CLIP2: variants seen among roughly 807,000 people sequenced by gnomAD.
CLIP2 encodes the protein CAP-Gly domain-containing linker protein 2.
A neutral mutation model predicts 111.7 loss-of-function variants in CLIP2; 41 were observed. That is an observed-to-expected ratio of 0.37 (90% CI 0.29 to 0.48). The LOEUF is 0.48. CLIP2 is among the 20% of genes least tolerant of loss of function. CLIP2 has a pLI of 0.99. For missense variants in CLIP2, 1,160 were observed against 1,422.1 expected, an observed-to-expected ratio of 0.82 and a Z score of 2.96; for synonymous variants, 660 against 644.2, an observed-to-expected ratio of 1.02 and a Z score of -0.37.
chr7:74,391,656 C>T (rs1031069080), intron 13 of CLIP2, among the ~76,000 whole-genome samples: 3 of 151,832 alleles, frequency 2.0e-5, no homozygotes, highest in Admixed American at 6.6e-5. Context: ...CCCGTCTCTA[C>T]TAAAAATACA....
At chr7:74,300,313 G>T (rs937060570) in intron 1 of CLIP2, among the ~76,000 whole-genome samples, 22 of 151,846 alleles carry the variant, frequency 1.4e-4, no homozygotes, top group Non-Finnish European at 2.9e-5. Flanking sequence ...AGTCTCCAGC[G>T]TCTATTATTC....
Position 74,392,593 on chromosome 7 carries a change from G to A in CLIP2, c.2720+3334G>A, listed in dbSNP as rs573916136. ...TGTAATCCCAGCACTTTGGGAGGCCGAGGCAGGTAGATCACCTGAGGTCAG... is the reference window on the plus strand; with the variant it reads ...TGTAATCCCAGCACTTTGGGAGGCCAAGGCAGGTAGATCACCTGAGGTCAG... On this transcript the variant is annotated intron_variant, in intron 13 of 16. Coordinates refer to ENST00000223398, the MANE Select transcript of CLIP2 (RefSeq NM_003388.5). Among the ~76,000 whole-genome samples, 3 of 152,098 alleles carry A rather than the reference G, an allele frequency of 2.0e-5. No homozygotes were observed. The East Asian group carries it at 5.8e-4, about 29-fold the overall frequency.
chr7:74,393,219 G>A (rs889200828), intron 13 of CLIP2, among the ~76,000 whole-genome samples: 6 of 151,684 alleles, frequency 4.0e-5, no homozygotes, highest in Admixed American at 6.6e-5. Flanking sequence ...GTAGGGACAG[G>A]GTTTCACTGT....
At chr7:74,360,615 A>G (rs1252066645) in intron 7 of CLIP2, among the ~76,000 whole-genome samples, 3 of 152,100 alleles carry the variant, frequency 2.0e-5, no homozygotes, top group African/African-American at 7.2e-5. Flanking sequence ...CAGAGCCACA[A>G]TCACAGCTCA....
intron 5 of CLIP2, 87 bp downstream of exon 5, chr7:74,356,710 C>A: frequency 8.1e-7 from 1 of 1,229,604 alleles, no homozygotes; most frequent in Non-Finnish European, 1.2e-6. Flanking sequence ...TGGTCTGCCC[C>A]TGACTTACTC....
At chr7:74,319,912 G>C (rs1373628380) in intron 2 of CLIP2, among the ~76,000 whole-genome samples, 1 of 151,444 alleles carries the variant, frequency 6.6e-6, no homozygotes, top group African/African-American at 2.4e-5. Flanking sequence ...AAGGACACAG[G>C]GTTTGGGTTT....
rs1554316780 is a variant in CLIP2 at position 74,397,114 on chromosome 7, C to T, written c.2761C>T (p.Arg921Cys). ...ELRVLLLEAN[R>C]HSPGPERDLS... is the part of the protein sequence containing the mutation. ...GCGGGTGTTGCTGCTGGAGGCCAAT[C>T]GTCACTCCCCAGGGCCGGAGAGGGA... The change falls in exon 14 of 17, where the codon CGT becomes TGT. Residue 921 changes from arginine to cysteine, a missense_variant. Around this residue, in one of 5 missense-constraint regions of CLIP2, gnomAD observed 676 missense variants for 777.8 expected, o/e 0.87. Transcript: ENST00000223398. 3.1e-6 allele frequency: 5 copies of T among 1,613,676 alleles called. No individual in the cohort carries two copies. Among genetic ancestry groups the T allele is most frequent in the Admixed American group, 1.7e-5 (1 of 59,894 alleles).
intron 8 of CLIP2, chr7:74,364,906 C>T (rs1554310511): frequency 6.6e-6 from 3 of 454,942 alleles, no homozygotes; most frequent in Non-Finnish European, 1.3e-5. Flanking sequence ...ACCTGTGGTC[C>T]CAGCTACTCA....
chr7:74,334,044 G>A (rs887275256), intron 2 of CLIP2, among the ~76,000 whole-genome samples: 14 of 152,166 alleles, frequency 9.2e-5, no homozygotes, highest in Admixed American at 2.0e-4. Flanking sequence ...CGCTGGAAAG[G>A]ACCTTAGCTA....
At chr7:74,317,847 G>C (rs1788830370) in intron 2 of CLIP2, among the ~76,000 whole-genome samples, 180 bp downstream of exon 2, 1 of 152,198 alleles carries the variant, frequency 6.6e-6, no homozygotes, top group African/African-American at 2.4e-5. Flanking sequence ...TTTCCCCAGG[G>C]AGGGGACATG....
Position 74,393,996 on chromosome 7 carries a change from G to A in CLIP2, c.2721-3078G>A, listed in dbSNP as rs542893978. On this transcript the variant is annotated intron_variant, in intron 13 of 16. Transcript: ENST00000223398. The stretch of plus-strand genomic sequence containing the variant: ...TGCCCTGCCTGGTCTCACTTTCTCC[G>A]AGGAAGCTTTCCGCCCTATCTCAGC... Among the ~76,000 whole-genome samples, 7 of 152,238 alleles carry A rather than the reference G, an allele frequency of 4.6e-5. No individual in the cohort carries two copies. The South Asian group carries it at 1.0e-3, about 23-fold the overall frequency.
rs779752204 is a variant in CLIP2 at position 74,363,167 on chromosome 7, G to A, written c.1320-1088G>A. Among the ~76,000 whole-genome samples, 4 of 151,974 alleles carry A rather than the reference G, an allele frequency of 2.6e-5. No individual in the cohort carries two copies. The South Asian group carries it at 6.2e-4, about 24-fold the overall frequency. On this transcript the variant is annotated intron_variant, in intron 7 of 16. Coordinates refer to ENST00000223398, the MANE Select transcript of CLIP2 (RefSeq NM_003388.5). ...TTACAGGGATGCGCCACCACGCCCC[G>A]CTAATTTTGTATTTTTAGTAGAGAC... is the stretch of plus-strand genomic sequence containing the variant.
chr7:74,335,603 G>C (rs1761040381), intron 2 of CLIP2, among the ~76,000 whole-genome samples: 1 of 151,694 alleles, frequency 6.6e-6, no homozygotes. Context: ...ACTTCCCAAA[G>C]TGCTGGGATT....
chr7:74,380,906 G>C, intron 11 of CLIP2, 43 bp downstream of exon 11: 1 of 1,596,420 alleles, frequency 6.3e-7, no homozygotes, highest in Non-Finnish European at 8.6e-7. Context: ...GCTCTGGGAA[G>C]AGGCTGGCTG....
rs182355487 is a variant in CLIP2, at chr7:74,290,937, C to T, written c.-68+1203C>T. Among the ~76,000 whole-genome samples the T allele has an allele frequency of 5.3e-3, 807 of 152,060 alleles. 4 individuals are homozygous for T. Among genetic ancestry groups the T allele is most frequent in the Non-Finnish European group, 9.1e-3 (622 of 67,980 alleles). On this transcript the variant is annotated intron_variant, in intron 1 of 16. Transcript: ENST00000223398. Reference sequence around the variant, plus strand: ...GGAAGCTGGGGGCATAGAGGGGGTCCCCTGGAGGATGGGGCAGACCAGGAA... The same window carrying T: ...GGAAGCTGGGGGCATAGAGGGGGTCTCCTGGAGGATGGGGCAGACCAGGAA...
At chr7:74,326,884 C>T (rs1221292770) in intron 2 of CLIP2, among the ~76,000 whole-genome samples, 1 of 151,816 alleles carries the variant, frequency 6.6e-6, no homozygotes, top group East Asian at 2.0e-4. Flanking sequence ...GATCCGCCTG[C>T]CTCGGCCTCC....
rs1341913640 is a variant in CLIP2, at chr7:74,375,748, T to C, written c.1486-139T>C. The C allele has an allele frequency of 4.5e-6, 3 of 668,856 alleles. No individual in the cohort carries two copies. The East Asian group carries it at 8.7e-5, about 19-fold the overall frequency. 41.4% of individuals were successfully genotyped at this position (668,856 alleles called of 1,614,324 possible). A position where few individuals can be genotyped will look rare whatever the true frequency, so the allele number is the denominator to read the frequency against. On this transcript the variant is annotated intron_variant, in intron 9 of 16. Coordinates refer to ENST00000223398, the MANE Select transcript of CLIP2 (RefSeq NM_003388.5). ...CAGCACTCAGGAGGGAGTGAGCGCC[T>C]TTCCCTTCCCATGACCTCCACCTGC...
intron 3 of CLIP2, among the ~76,000 whole-genome samples, chr7:74,347,849 GAAGATA>G (rs1419984562): frequency 6.6e-6 from 1 of 152,180 alleles, no homozygotes; most frequent in African/African-American, 2.4e-5. Context: ...AGAAGTGTTA[GAAGATA>G]AAGATAAGAA....
intron 1 of CLIP2, among the ~76,000 whole-genome samples, chr7:74,313,129 A>C (rs1217822512): frequency 6.6e-6 from 1 of 151,516 alleles, no homozygotes; most frequent in Admixed American, 6.6e-5. Flanking sequence ...CAGCCTGGGC[A>C]ACATAGTGAG....
Sources: gnomAD v4.1 joint callset for allele counts (sites outside exome capture counted in the v4.1 genomes callset) on GRCh38, gnomAD v4.1.1 for gene constraint, gnomAD v4.1.1 regional missense constraint, MANE v1.5 for transcripts, NCBI Gene and HGNC (gene_info 2026-07-23, HGNC 2026-07-21) for gene names.